TOX: variants seen among roughly 807,000 people sequenced by gnomAD.
The protein encoded by TOX is thymocyte selection associated high mobility group box.
A neutral mutation model predicts 53.7 loss-of-function variants in TOX; 11 were observed. That is an observed-to-expected ratio of 0.20 (90% CI 0.13 to 0.34). The LOEUF is 0.34. Among genes scored for constraint, TOX ranks in the 10% least tolerant of loss-of-function variants. The probability of loss-of-function intolerance (pLI) is 1.00; values close to 1 mark genes in which losing one functional copy is unlikely to be tolerated. For synonymous variants in TOX, 225 were observed against 245.3 expected, an observed-to-expected ratio of 0.92 and a Z score of 0.77; for missense variants, 570 against 664.6, an observed-to-expected ratio of 0.86 and a Z score of 1.56.
intron 3 of TOX, among the ~76,000 whole-genome samples, chr8:58,858,488 G>A (rs2129168886): frequency 6.6e-6 from 1 of 152,364 alleles, no homozygotes; most frequent in South Asian, 2.1e-4. Flanking sequence ...ATAGCAGTTG[G>A]TGCACAGAGC....
chr8:58,866,512 AT>A (rs1811104564), intron 3 of TOX, among the ~76,000 whole-genome samples: 2 of 152,344 alleles, frequency 1.3e-5, no homozygotes, highest in African/African-American at 4.8e-5. Context: ...TTGGACACAA[AT>A]TTATGCTTTC....
chr8:59,096,891 G>A (rs1804721356), intron 1 of TOX, among the ~76,000 whole-genome samples: 1 of 152,172 alleles, frequency 6.6e-6, no homozygotes, highest in Non-Finnish European at 1.5e-5. Context: ...AGGCATCTTG[G>A]GTAGAGACTT....
chr8:58,832,323 T>A (rs556962878), intron 5 of TOX, among the ~76,000 whole-genome samples: 1 of 151,940 alleles, frequency 6.6e-6, no homozygotes, highest in Non-Finnish European at 1.5e-5. Context: ...GCTTACATTC[T>A]ACAGTTTTTA....
intron 1 of TOX, among the ~76,000 whole-genome samples, chr8:59,070,618 TCA>T (rs1205864529): frequency 6.6e-6 from 1 of 151,902 alleles, no homozygotes; most frequent in East Asian, 1.9e-4. Flanking sequence ...GGTTGAGGTC[TCA>T]GTCTTGGTTA....
At chr8:58,958,780 A>G (rs889902295) in intron 2 of TOX, among the ~76,000 whole-genome samples, 1 of 152,314 alleles carries the variant, frequency 6.6e-6, no homozygotes, top group African/African-American at 2.4e-5. Flanking sequence ...AATACTGTGT[A>G]GTTTCCAGAA....
chr8:59,082,503 C>T (rs936172089), intron 1 of TOX, among the ~76,000 whole-genome samples: 2 of 152,354 alleles, frequency 1.3e-5, no homozygotes, highest in East Asian at 1.9e-4. Context: ...TTTAATTAAT[C>T]AATGCCCATA....
At chr8:59,088,181 C>T (rs922797653) in intron 1 of TOX, among the ~76,000 whole-genome samples, 3 of 152,144 alleles carry the variant, frequency 2.0e-5, no homozygotes, top group African/African-American at 4.8e-5. Flanking sequence ...CAGATACAGC[C>T]TATGGCTATA....
chr8:58,834,243 T>C, intron 5 of TOX, among the ~76,000 whole-genome samples: 1 of 152,234 alleles, frequency 6.6e-6, no homozygotes, highest in East Asian at 1.9e-4. Flanking sequence ...TTTGTAGCTG[T>C]TCATAATTGT....
At chr8:58,983,747 C>T (rs1443907739) in intron 1 of TOX, among the ~76,000 whole-genome samples, 2 of 152,210 alleles carry the variant, frequency 1.3e-5, no homozygotes, top group African/African-American at 2.4e-5. Flanking sequence ...AATCACCTCC[C>T]TTTTGCCCTG....
intron 3 of TOX, among the ~76,000 whole-genome samples, chr8:58,935,635 T>C (rs1380723376): frequency 6.6e-6 from 1 of 152,168 alleles, no homozygotes; most frequent in African/African-American, 2.4e-5. Context: ...CTCATATCTG[T>C]AGACATTATT....
chr8:59,108,912 C>T (rs774151699), intron 1 of TOX, among the ~76,000 whole-genome samples: 10 of 152,126 alleles, frequency 6.6e-5, no homozygotes, highest in Non-Finnish European at 1.5e-4. Context: ...TATTGATTTG[C>T]ACAATTTTCC....
chr8:59,107,049 G>GT (rs1554547200), intron 1 of TOX, among the ~76,000 whole-genome samples: 1 of 130,154 alleles, frequency 7.7e-6, no homozygotes, highest in Non-Finnish European at 1.6e-5. Context: ...AGTTTGCTGG[G>GT]GGGGGGGGGA....
chr8:58,951,665 C>A (rs1422195438), intron 2 of TOX, among the ~76,000 whole-genome samples: 2 of 152,178 alleles, frequency 1.3e-5, no homozygotes, highest in Non-Finnish European at 2.9e-5. Flanking sequence ...AGGAAGGCCT[C>A]CCCTGAAATG....
chr8:58,924,946 G>A (rs1275391411), intron 3 of TOX, among the ~76,000 whole-genome samples: 2 of 152,122 alleles, frequency 1.3e-5, no homozygotes, highest in African/African-American at 2.4e-5. Context: ...AGAACAATGC[G>A]AGAGAATGTG....
At chr8:58,968,815 T>C (rs530708935) in intron 1 of TOX, among the ~76,000 whole-genome samples, 98 of 152,202 alleles carry the variant, frequency 6.4e-4, no homozygotes, top group African/African-American at 2.3e-3. Context: ...ATAAGACTAG[T>C]AAGTCAAGGC....
At chr8:58,891,382 C>T (rs1811559139) in intron 3 of TOX, among the ~76,000 whole-genome samples, 1 of 151,850 alleles carries the variant, frequency 6.6e-6, no homozygotes, top group African/African-American at 2.4e-5. Flanking sequence ...CCACAGAAGC[C>T]AAAGGGAAGG....
At chr8:58,841,454 T>G (rs190189106) in intron 4 of TOX, among the ~76,000 whole-genome samples, 7 of 152,302 alleles carry the variant, frequency 4.6e-5, no homozygotes, top group South Asian at 2.1e-4. Context: ...CACTCTTACA[T>G]TCACAATCAT....
intron 1 of TOX, among the ~76,000 whole-genome samples, chr8:58,990,467 G>C (rs1165036148): frequency 6.6e-6 from 1 of 151,640 alleles, no homozygotes; most frequent in Non-Finnish European, 1.5e-5. Context: ...GAGCTAGCCA[G>C]AGTTGGTTTC....
intron 1 of TOX, among the ~76,000 whole-genome samples, chr8:59,050,883 C>G (rs1221867497): frequency 2.0e-5 from 3 of 152,132 alleles, no homozygotes; most frequent in Non-Finnish European, 4.4e-5. Context: ...TGCAGTAATC[C>G]TGATAAAGTC....
Sources: gnomAD v4.1 joint callset for allele counts (sites outside exome capture counted in the v4.1 genomes callset) on GRCh38, gnomAD v4.1.1 for gene constraint, MANE v1.5 for transcripts, NCBI Gene and HGNC (gene_info 2026-07-23, HGNC 2026-07-21) for gene names.